The following SEC31B variants were observed in gnomAD, a reference collection of about 807,000 sequenced individuals.
The protein encoded by SEC31B is protein transport protein Sec31B.
A neutral mutation model predicts 135.0 loss-of-function variants in SEC31B; 113 were observed. The ratio of observed to expected loss-of-function variants is 0.84; its 90% CI spans 0.72 to 0.98. The LOEUF (loss-of-function observed/expected upper bound fraction) is 0.98, where lower values mean the gene tolerates loss of function less well. Among genes scored for constraint, SEC31B ranks in the 50% least tolerant of loss-of-function variants. The probability of loss-of-function intolerance (pLI) is 0.00; values close to 1 mark genes in which losing one functional copy is unlikely to be tolerated. For missense variants in SEC31B, 1,296 were observed against 1,421.1 expected, an observed-to-expected ratio of 0.91 and a Z score of 1.42; for synonymous variants, 508 against 549.4, an observed-to-expected ratio of 0.92 and a Z score of 1.05.
rs1851428481 is a variant in SEC31B, at chr10:100,497,221, G to A, written c.2050C>T (p.Leu684Phe). 1.2e-6 allele frequency: 2 copies of A among 1,614,226 alleles called. No homozygotes were observed. The highest frequency in any genetic ancestry group is 1.1e-5 in the South Asian group (1 of 91,090). ...ACACTCCCTGAGCACACATAACAGA[G>A]TCTGGCTTCGGAGGTTAGTGCCCTG... is the stretch of plus-strand genomic sequence containing the variant. ...GSRALTSEARLCYVCSGSVER... is the reference protein window; with the variant it reads ...GSRALTSEARFCYVCSGSVER... Residue 684 changes from leucine to phenylalanine, a missense_variant, in exon 17 of 26, where the codon CTC (leucine) becomes TTC (phenylalanine). Leu to Phe is a conservative substitution (Grantham distance 22, BLOSUM62 0). Transcript: ENST00000370345.
At chr10:100,508,726 A>G in intron 5 of SEC31B, 1 of 498,692 alleles carries the variant, frequency 2.0e-6, no homozygotes, top group Non-Finnish European at 3.6e-6. Context: ...CAGCACTCCC[A>G]TCCCTTCTTG....
At chr10:100,515,730 G>A (rs1042225671) in intron 3 of SEC31B, among the ~76,000 whole-genome samples, 18 of 152,266 alleles carry the variant, frequency 1.2e-4, no homozygotes, top group African/African-American at 3.9e-4. Flanking sequence ...AGGATCATTC[G>A]TTCTCTTCCT....
intron 3 of SEC31B, among the ~76,000 whole-genome samples, chr10:100,515,323 G>A (rs1851810642): frequency 6.6e-6 from 1 of 152,104 alleles, no homozygotes; most frequent in African/African-American, 2.4e-5. Flanking sequence ...AGTAGTACAT[G>A]TATACATTTA....
chr10:100,507,695 T>C, intron 6 of SEC31B, 128 bp from the exon 7 acceptor site: 2 of 1,359,726 alleles, frequency 1.5e-6, no homozygotes, highest in Non-Finnish European at 1.0e-6. Context: ...CAGAGAGTGA[T>C]GGCCAGGAAT....
chr10:100,501,272 A>G (rs1018469383), intron 11 of SEC31B, among the ~76,000 whole-genome samples: 2 of 151,856 alleles, frequency 1.3e-5, no homozygotes, highest in Non-Finnish European at 2.9e-5. Context: ...AAAAACCCAG[A>G]ATGCCCTGTC....
chr10:100,490,676 G>T (rs771708609), intron 20 of SEC31B, 30 bp downstream of exon 20: 4 of 1,538,394 alleles, frequency 2.6e-6, no homozygotes, highest in Non-Finnish European at 3.5e-6. Context: ...TCTGTGCTCT[G>T]CCCAGATAGA....
intron 15 of SEC31B, 80 bp downstream of exon 15, chr10:100,497,949 A>G: frequency 1.3e-6 from 2 of 1,580,398 alleles, no homozygotes; most frequent in Non-Finnish European, 1.7e-6. Context: ...ATACTCAAAC[A>G]TGGGTCCCAA....
chr10:100,498,278 C>CGG (rs1851452106), intron 14 of SEC31B, 71 bp from the exon 15 acceptor site: 1 of 1,417,952 alleles, frequency 7.1e-7, no homozygotes, highest in East Asian at 2.3e-5. Flanking sequence ...GCAGGGCCCA[C>CGG]AGCACACCCT....
chr10:100,519,240 G>C (rs1851904991), intron 1 of SEC31B, among the ~76,000 whole-genome samples: 1 of 152,204 alleles, frequency 6.6e-6, no homozygotes. Context: ...ACATTGTTAA[G>C]AGGCATCTAT....
rs776695133 is a variant in SEC31B at position 100,487,633 on chromosome 10, G to A, written c.3523C>T (p.His1175Tyr). ...PILKAVLIIA[H>Y]KLLV ...TGCCTGGTTTAGACCAGCAGCTTAT[G>A]AGCGATGATGAGGACAGCCTTCAGG... Residue 1175 changes from histidine (H) to tyrosine (Y), a missense_variant, in exon 26 of 26, where the codon CAT (histidine) becomes TAT (tyrosine). Physicochemically the swap from His to Tyr is moderately conservative, Grantham distance 83. Transcript: ENST00000370345. The A allele has an allele frequency of 9.3e-6, 15 of 1,613,066 alleles. No homozygotes were observed. Among genetic ancestry groups the A allele is most frequent in the Admixed American group, 1.7e-5 (1 of 59,936 alleles).
At chr10:100,492,201 A>C (rs981316618) in intron 19 of SEC31B, among the ~76,000 whole-genome samples, 1 of 152,110 alleles carries the variant, frequency 6.6e-6, no homozygotes, top group Non-Finnish European at 1.5e-5. Context: ...GACTGGAAAC[A>C]AGGCAAGAAC....
rs376615732 is a variant in SEC31B at position 100,488,659 on chromosome 10, T to C, written c.3288+199A>G. Among the ~76,000 whole-genome samples, 50 of 152,176 alleles carry C rather than the reference T, an allele frequency of 3.3e-4. No homozygotes were observed. In the South Asian group the frequency reaches 9.8e-3, roughly 30 times the overall value. ...TTTAGGTCTCAATGCTGCTGGGTCC[T>C]ACCACCAAGGAGCTGGACTTCAGAC... On this transcript the variant is annotated intron_variant, in intron 24 of 25. Coordinates refer to ENST00000370345, the MANE Select transcript of SEC31B (RefSeq NM_015490.4).
chr10:100,508,095 T>C lies in SEC31B; in HGVS notation c.496-44A>G, dbSNP rs1254053688. The C allele has an allele frequency of 2.5e-6, 4 of 1,610,172 alleles. No individual in the cohort carries two copies. In the African/African-American group the frequency reaches 4.0e-5, roughly 16 times the overall value. The stretch of plus-strand genomic sequence containing the variant: ...AGAAAGATGACAACTTGTCACCCCC[T>C]GGACAAAGTGACATCTGCTGTTCCA... On this transcript the variant is annotated intron_variant, in intron 5 of 25. Coordinates refer to ENST00000370345, the MANE Select transcript of SEC31B (RefSeq NM_015490.4).
chr10:100,518,334 T>C (rs1851886112), intron 1 of SEC31B, among the ~76,000 whole-genome samples: 1 of 152,078 alleles, frequency 6.6e-6, no homozygotes, highest in South Asian at 2.1e-4. Context: ...TCCCTTCACT[T>C]TCGACATGAC....
chr10:100,510,203 G>A (rs983461292), intron 3 of SEC31B, among the ~76,000 whole-genome samples: 1 of 152,186 alleles, frequency 6.6e-6, no homozygotes, highest in Admixed American at 6.5e-5. Flanking sequence ...GTAACTATTA[G>A]AAGCAGGCTC....
Position 100,490,178 on chromosome 10 carries a change from T to G in SEC31B, c.2795A>C (p.Glu932Ala), listed in dbSNP as rs560602630. 6.2e-7 allele frequency: 1 copy of G among 1,607,260 alleles called. No individual in the cohort carries two copies. Among genetic ancestry groups the G allele is most frequent in the Non-Finnish European group, 8.5e-7 (1 of 1,176,866 alleles). ...IMRPGSTSLP[E>A]TPRLFPLLPL... ...AAGCAGAGGGAACAGTCTAGGAGTC[T>G]CAGGCAGGGAGGTAGAGCCAGGTCG... is the stretch of plus-strand genomic sequence containing the variant. Residue 932 changes from glutamate (E) to alanine (A), a missense_variant, in exon 21 of 26, where the codon GAG becomes GCG. Coordinates refer to ENST00000370345, the MANE Select transcript of SEC31B (RefSeq NM_015490.4).
chr10:100,509,137 C>T, intron 4 of SEC31B, 35 bp from the exon 5 acceptor site: 2 of 1,594,730 alleles, frequency 1.3e-6, no homozygotes, highest in South Asian at 1.1e-5. Flanking sequence ...GACATACCAC[C>T]CTAGGAAGAA....
intron 19 of SEC31B, chr10:100,495,142 T>TA (rs1851381197): frequency 2.1e-6 from 1 of 465,372 alleles, no homozygotes; most frequent in Non-Finnish European, 3.9e-6. Flanking sequence ...AGCTATTTTT[T>TA]ACATATCTAT....
intron 17 of SEC31B, among the ~76,000 whole-genome samples, 163 bp from the exon 18 acceptor site, chr10:100,496,594 G>C (rs1394267095): frequency 1.3e-5 from 2 of 152,226 alleles, no homozygotes; most frequent in African/African-American, 2.4e-5. Flanking sequence ...CTGTGACAGA[G>C]AAGGGCCACC....
Sources: gnomAD v4.1 joint callset for allele counts (sites outside exome capture counted in the v4.1 genomes callset) on GRCh38, gnomAD v4.1.1 for gene constraint, MANE v1.5 for transcripts, NCBI Gene and HGNC (gene_info 2026-07-23, HGNC 2026-07-21) for gene names.